The following ZNF180 variants were observed in gnomAD, a reference collection of about 807,000 sequenced individuals.
The protein encoded by ZNF180 is zinc finger protein 180 (HHZ168).
In ZNF180, 11 loss-of-function variants were observed where a neutral mutation model predicts 11.8. The ratio of observed to expected loss-of-function variants is 0.93; its 90% CI spans 0.59 to 1.55. ZNF180 has a LOEUF of 1.55. ZNF180 is among the 40% of genes most tolerant of loss of function. ZNF180 has a pLI of 0.00. For missense variants in ZNF180, 773 were observed against 781.7 expected (o/e 0.99, Z 0.13); for synonymous variants, 287 against 257.7 (o/e 1.11, Z -1.09).
At chr19:44,483,312 G>T (rs1970130939) in intron 3 of ZNF180, among the ~76,000 whole-genome samples, 1 of 151,966 alleles carries the variant, frequency 6.6e-6, no homozygotes, top group Non-Finnish European at 1.5e-5. Flanking sequence ...TCTCTTTCAA[G>T]TATTCCCTTG....
Position 44,497,292 on chromosome 19 carries a change from A to C in ZNF180, c.43T>G (p.Cys15Gly). 6.3e-7 allele frequency: 1 copy of C among 1,592,998 alleles called. No individual in the cohort carries two copies. The highest frequency in any genetic ancestry group is 8.5e-7 in the Non-Finnish European group (1 of 1,173,404). The change falls in exon 2 of 5, where the codon TGT becomes GGT. Residue 15 changes from cysteine (C) to glycine (G), a missense_variant. Cys to Gly is a radical substitution (Grantham distance 159). Coordinates refer to ENST00000592529, the MANE Select transcript of ZNF180 (RefSeq NM_001278509.3). ...DEKPPEPPKV[C>G]AQDSFLPQEI... ...TCTGGGTCTCCACTCACCTGTGCAC[A>C]GACCTTCGGGGGCTCTGGGGGCTTC... is the stretch of plus-strand genomic sequence containing the variant.
rs755825911 is a variant in ZNF180 at position 44,477,537 on chromosome 19, G to C, written c.863C>G (p.Ser288Cys). 2 of 1,614,060 alleles carry C rather than the reference G, an allele frequency of 1.2e-6. No individual in the cohort carries two copies. Among genetic ancestry groups the C allele is most frequent in the Non-Finnish European group, 1.7e-6 (2 of 1,180,002 alleles). ...AGGAATTCTCTGTTGTTCATTATGG[G>C]ATATTTTGGGGTTCAAAACCTGCCC... ...ECGQVLNPKI[S>C]HNEQQRIPFE... is the part of the protein sequence containing the mutation. Residue 288 changes from serine to cysteine, a missense_variant, in exon 5 of 5, where the codon TCC (serine) becomes TGC (cysteine). Coordinates refer to ENST00000592529, the MANE Select transcript of ZNF180 (RefSeq NM_001278509.3).
intron 2 of ZNF180, among the ~76,000 whole-genome samples, chr19:44,488,312 C>A (rs1314038098): frequency 7.3e-6 from 1 of 136,516 alleles, no homozygotes; most frequent in African/African-American, 2.8e-5. Context: ...CCTCTGATGC[C>A]GAGCCGAAGC....
Position 44,477,905 on chromosome 19 carries a change from A to T in ZNF180, c.495T>A (p.Ser165Arg), listed in dbSNP as rs1450573800. Residue 165 changes from serine to arginine, a missense_variant, in exon 5 of 5, where the codon AGT becomes AGA. Coordinates refer to ENST00000592529, the MANE Select transcript of ZNF180 (RefSeq NM_001278509.3). ...GACCACTCTTCTCCCCAGTTTCATC[A>T]CTTTTGCAGACTCTCTCATGAATAA... is the stretch of plus-strand genomic sequence containing the variant. The part of the protein sequence containing the change: ...KAVIHERVCK[S>R]DETGEKSGLN... 6.2e-7 allele frequency: 1 copy of T among 1,613,818 alleles called. No individual in the cohort carries two copies. The highest frequency in any genetic ancestry group is 8.5e-7 in the Non-Finnish European group (1 of 1,179,988).
At chr19:44,491,542 C>T (rs1970450384) in intron 2 of ZNF180, among the ~76,000 whole-genome samples, 1 of 151,958 alleles carries the variant, frequency 6.6e-6, no homozygotes, top group African/African-American at 2.4e-5. Context: ...TAGAGTACTT[C>T]AACACAGAAT....
chr19:44,490,205 AAAAGAGAAAAC>A (rs1006654747), intron 2 of ZNF180, among the ~76,000 whole-genome samples: 2 of 151,854 alleles, frequency 1.3e-5, no homozygotes, highest in South Asian at 2.1e-4. Context: ...GATGGAAGGA[AAAAGAGAAAAC>A]AAAGAGAAAA....
Position 44,476,199 on chromosome 19 carries a change from T to C in ZNF180, c.*203A>G. 1 of 489,420 alleles carries C rather than the reference T, an allele frequency of 2.0e-6. No homozygotes were observed. Among genetic ancestry groups the C allele is most frequent in the South Asian group, 4.1e-5 (1 of 24,536 alleles). 30.3% of individuals were successfully genotyped at this position (489,420 alleles called of 1,614,324 possible). On this transcript the variant is annotated 3_prime_UTR_variant, in exon 5 of 5. Transcript: ENST00000592529. Reference sequence around the variant, plus strand: ...TAAGAATCAAGTTTAACATTGTATATGGAATTGCCAGGTTGAAAAGTCGTT... The same window carrying C: ...TAAGAATCAAGTTTAACATTGTATACGGAATTGCCAGGTTGAAAAGTCGTT...
intron 2 of ZNF180, among the ~76,000 whole-genome samples, chr19:44,486,641 T>C (rs892344756): frequency 6.6e-6 from 1 of 152,204 alleles, no homozygotes; most frequent in South Asian, 2.1e-4. Context: ...CAGCAGTTCA[T>C]ACCTGTAATC....
chr19:44,487,936 A>G (rs1165969490), intron 2 of ZNF180, among the ~76,000 whole-genome samples: 4 of 152,170 alleles, frequency 2.6e-5, no homozygotes, highest in Non-Finnish European at 5.9e-5. Flanking sequence ...CATGTTGGCC[A>G]GGATGGTCTT....
chr19:44,499,601 G>T (rs1308305094), intron 1 of ZNF180, among the ~76,000 whole-genome samples: 1 of 152,114 alleles, frequency 6.6e-6, no homozygotes, highest in East Asian at 1.9e-4. Context: ...CGTGCAGGGG[G>T]CCCTCTGCCC....
At chr19:44,482,233 C>T (rs530326539) in intron 3 of ZNF180, among the ~76,000 whole-genome samples, 62 of 152,228 alleles carry the variant, frequency 4.1e-4, no homozygotes, top group African/African-American at 1.3e-3. Context: ...ACCTGAGCCT[C>T]GGAATTCAAG....
intron 3 of ZNF180, among the ~76,000 whole-genome samples, 198 bp downstream of exon 3, chr19:44,484,162 CT>C (rs2123458820): frequency 6.6e-6 from 1 of 152,004 alleles, no homozygotes; most frequent in South Asian, 2.1e-4. Context: ...ACCCAGCTAA[CT>C]TTTTTTGTAT....
In ZNF180 at chr19:44,489,533, G is replaced by A; in HGVS notation, c.52-5098C>T. On this transcript the variant is annotated intron_variant, in intron 2 of 4. Transcript: ENST00000592529. ...GATGTGCTTTGTTAAACAGATGCTT[G>A]AAGGCAGCATGCTCGTTAAGAGTCG... Among the ~76,000 whole-genome samples the A allele has an allele frequency of 1.9e-5, 2 of 104,946 alleles. 1 individual carries two copies. The allele number at this position is 104,946 out of a possible 152,430, so 68.8% of individuals were successfully genotyped here.
chr19:44,488,816 G>A (rs184461883), intron 2 of ZNF180, among the ~76,000 whole-genome samples: 4,310 of 151,964 alleles, frequency 0.028, 213 homozygotes, highest in African/African-American at 0.099. Flanking sequence ...TCTAGGAAGT[G>A]AGGAGCACCT....
chr19:44,493,331 T>C (rs1296294213), intron 2 of ZNF180, among the ~76,000 whole-genome samples: 2 of 152,210 alleles, frequency 1.3e-5, no homozygotes, highest in Non-Finnish European at 2.9e-5. Context: ...TTCCTGTGTA[T>C]GAGCCACTAA....
chr19:44,477,075 T>A lies in ZNF180; in HGVS notation c.1325A>T (p.Gln442Leu). 9 of 1,613,976 alleles carry A rather than the reference T, an allele frequency of 5.6e-6. No homozygotes were observed. The highest frequency in any genetic ancestry group is 7.6e-6 in the Non-Finnish European group (9 of 1,179,902). ...GCTCTGGATAAATGATTTCCCACAT[T>A]GATTACATTCATAGGGCTTCTCTCC... ...HTGEKPYECN[Q>L]CGKSFIQSYK... The change falls in exon 5 of 5, where the codon CAA (glutamine) becomes CTA (leucine). Residue 442 changes from glutamine to leucine, a missense_variant. Coordinates refer to ENST00000592529, the MANE Select transcript of ZNF180 (RefSeq NM_001278509.3).
At position 44,479,107 on chromosome 19, in the gene ZNF180, C is replaced by G. The variant is rs374642810; in HGVS notation, c.253+176G>C. 1.1e-4 allele frequency among the ~76,000 whole-genome samples: 16 copies of G among 152,308 alleles called. No homozygotes were observed. In the East Asian group the frequency reaches 2.1e-3, roughly 20 times the overall value. ...GACTGAAAATCTCAAGCCCAAGAAT[C>G]TGCACTATTTCTACCCTACAAACTA... On this transcript the variant is annotated intron_variant, in intron 4 of 4. Transcript: ENST00000592529.
chr19:44,500,401 G>T lies in ZNF180; in HGVS notation c.-170C>A, dbSNP rs1600104443. The T allele has an allele frequency of 3.6e-6, 3 of 822,222 alleles. No homozygotes were observed. The highest frequency in any genetic ancestry group is 5.9e-6 in the Non-Finnish European group (3 of 505,416). The allele number at this position is 822,222 out of a possible 1,614,324, so 50.9% of individuals were successfully genotyped here. On this transcript the variant is annotated 5_prime_UTR_variant, in exon 1 of 5. Transcript: ENST00000592529. Reference sequence around the variant, plus strand: ...CCGATTCTGCAACACGGCCGACTCGGGTTAAGCTAGTTCGGTCCCCTCTCC... The same window carrying T: ...CCGATTCTGCAACACGGCCGACTCGTGTTAAGCTAGTTCGGTCCCCTCTCC...
In ZNF180 at chr19:44,500,451, G is replaced by A. The variant is rs1028647406; in HGVS notation, c.-220C>T. The A allele has an allele frequency of 6.6e-6, 4 of 603,190 alleles. No homozygotes were observed. Among genetic ancestry groups the A allele is most frequent in the African/African-American group, 3.7e-5 (2 of 54,174 alleles). 37.4% of individuals were successfully genotyped at this position (603,190 alleles called of 1,614,324 possible). A position where few individuals can be genotyped will look rare whatever the true frequency, so the allele number is the denominator to read the frequency against. On this transcript the variant is annotated 5_prime_UTR_variant, in exon 1 of 5. Transcript: ENST00000592529. ...CTAGTCAGCATCCGCAAGGCCGCTG[G>A]GGGTTAAGTCTGAAGGGCCGAGCTG...
Sources: allele counts gnomAD v4.1 joint callset (sites outside exome capture counted in the v4.1 genomes callset), GRCh38; gene constraint gnomAD v4.1.1; transcripts MANE v1.5; gene names NCBI Gene and HGNC (gene_info 2026-07-23, HGNC 2026-07-21).